CEP128: variants seen among roughly 807,000 people sequenced by gnomAD.
CEP128 encodes centrosomal protein 128.
Under a neutral mutation model 156.7 loss-of-function variants are expected in CEP128, and 132 were observed. The observed-to-expected ratio is 0.84, with a 90% CI of 0.73 to 0.97. The LOEUF is 0.97. CEP128 is among the 50% of genes least tolerant of loss of function. The probability of loss-of-function intolerance (pLI) is 0.00; values close to 1 mark genes in which losing one functional copy is unlikely to be tolerated. For missense variants in CEP128, 1,252 were observed against 1,281.9 expected (o/e 0.98, Z 0.36); for synonymous variants, 469 against 448.9 (o/e 1.04, Z -0.57).
intron 13 of CEP128, among the ~76,000 whole-genome samples, chr14:80,822,128 T>G (rs1031576595): frequency 1.4e-4 from 21 of 151,972 alleles, no homozygotes; most frequent in African/African-American, 4.1e-4. Flanking sequence ...CCAAACCATA[T>G]CATTCCGCCC....
At chr14:80,604,377 T>C (rs1258355398) in intron 19 of CEP128, among the ~76,000 whole-genome samples, 1 of 152,164 alleles carries the variant, frequency 6.6e-6, no homozygotes, top group Non-Finnish European at 1.5e-5. Flanking sequence ...TCGATGGATA[T>C]GGGAATAGAG....
intron 23 of CEP128, among the ~76,000 whole-genome samples, chr14:80,507,028 C>G (rs888448782): frequency 2.5e-4 from 38 of 151,956 alleles, no homozygotes; most frequent in Admixed American, 1.2e-3. Context: ...GTGGCACCTC[C>G]CCTCAGCTCT....
At chr14:80,578,273 A>G (rs1200241001) in intron 20 of CEP128, among the ~76,000 whole-genome samples, 2 of 152,184 alleles carry the variant, frequency 1.3e-5, no homozygotes, top group African/African-American at 4.8e-5. Context: ...TTGGTGCTTG[A>G]TAAGGGTTTG....
intron 19 of CEP128, among the ~76,000 whole-genome samples, chr14:80,595,889 G>C (rs527658961): frequency 6.6e-6 from 1 of 151,940 alleles, no homozygotes; most frequent in Non-Finnish European, 1.5e-5. Flanking sequence ...TAAAACCATC[G>C]GATCTCATGA....
At chr14:80,819,467 C>T (rs1192249652) in intron 13 of CEP128, among the ~76,000 whole-genome samples, 10 of 151,872 alleles carry the variant, frequency 6.6e-5, no homozygotes, top group Admixed American at 2.6e-4. Flanking sequence ...AGGATGGTTT[C>T]GATCTCCTGA....
chr14:80,900,434 T>G (rs982299252), intron 6 of CEP128, among the ~76,000 whole-genome samples: 5 of 152,252 alleles, frequency 3.3e-5, no homozygotes, highest in African/African-American at 1.2e-4. Context: ...ACAGTTAATC[T>G]TGCCACTGTA....
chr14:80,700,255 C>A (rs1897028477), intron 19 of CEP128, among the ~76,000 whole-genome samples: 1 of 152,214 alleles, frequency 6.6e-6, no homozygotes, highest in Admixed American at 6.5e-5. Context: ...TGAGCCACCC[C>A]AACCCCTACT....
chr14:80,542,157 G>C (rs1255799817), intron 21 of CEP128, among the ~76,000 whole-genome samples: 2 of 152,136 alleles, frequency 1.3e-5, no homozygotes, highest in Admixed American at 1.3e-4. Context: ...ATGTGTATAT[G>C]TACCTCCCAT....
intron 19 of CEP128, among the ~76,000 whole-genome samples, chr14:80,708,334 T>C (rs907918222): frequency 2.0e-5 from 3 of 152,152 alleles, no homozygotes; most frequent in Non-Finnish European, 4.4e-5. Flanking sequence ...ACAAGCAATG[T>C]TTGAAAGGGT....
chr14:80,683,217 C>A (rs187121955), intron 19 of CEP128, among the ~76,000 whole-genome samples: 1 of 152,262 alleles, frequency 6.6e-6, no homozygotes, highest in Non-Finnish European at 1.5e-5. Context: ...CTCTTTTCAA[C>A]AGACCCATCT....
chr14:80,873,763 G>T lies in CEP128; in HGVS notation c.646-10890C>A, dbSNP rs538164229. On this transcript the variant is annotated intron_variant, in intron 8 of 24. Coordinates refer to ENST00000555265, the MANE Select transcript of CEP128 (RefSeq NM_152446.5). Reference sequence around the variant, plus strand: ...TCATGGGAGAAACCCAGTGGCAGGTGATTGAATTATGGGGGCGGGTCTTTC... The same window carrying T: ...TCATGGGAGAAACCCAGTGGCAGGTTATTGAATTATGGGGGCGGGTCTTTC... Among the ~76,000 whole-genome samples the T allele has an allele frequency of 1.4e-3, 212 of 152,100 alleles. 1 individual carries two copies. Among genetic ancestry groups the T allele is most frequent in the Non-Finnish European group, 2.7e-3 (184 of 68,022 alleles).
At chr14:80,668,902 C>T (rs1895733190) in intron 19 of CEP128, among the ~76,000 whole-genome samples, 1 of 152,164 alleles carries the variant, frequency 6.6e-6, no homozygotes, top group African/African-American at 2.4e-5. Flanking sequence ...GGAAGTTCCC[C>T]TGCACAAGCT....
At chr14:80,561,147 A>C (rs1198275292) in intron 20 of CEP128, among the ~76,000 whole-genome samples, 1 of 152,200 alleles carries the variant, frequency 6.6e-6, no homozygotes, top group African/African-American at 2.4e-5. Context: ...AGACTGGGAA[A>C]CAGTTGCACA....
intron 24 of CEP128, 104 bp from the exon 25 acceptor site, chr14:80,497,686 G>C: frequency 1.4e-6 from 1 of 710,050 alleles, no homozygotes; most frequent in Non-Finnish European, 2.4e-6. Context: ...GTATTTGATC[G>C]AGTTTTCTAT....
intron 13 of CEP128, among the ~76,000 whole-genome samples, chr14:80,814,081 T>C (rs7150858): frequency 0.43 from 64,932 of 152,028 alleles, 14,086 homozygotes; most frequent in African/African-American, 0.45. Flanking sequence ...CTCCCTTGCC[T>C]CTTGCTGCAT....
At chr14:80,582,120 G>T (rs944070969) in intron 19 of CEP128, among the ~76,000 whole-genome samples, 2 of 152,188 alleles carry the variant, frequency 1.3e-5, no homozygotes, top group Non-Finnish European at 2.9e-5. Context: ...CCTGCAGGTT[G>T]CCCCAGCTGC....
Position 80,521,136 on chromosome 14 carries a change from G to A in CEP128, c.3072+5733C>T, listed in dbSNP as rs2140247530. 2.0e-5 allele frequency among the ~76,000 whole-genome samples: 3 copies of A among 151,684 alleles called. No homozygotes were observed. The South Asian group carries it at 6.2e-4, about 32-fold the overall frequency. The stretch of plus-strand genomic sequence containing the variant: ...TTACAGGCATGAGCCACCACACCCG[G>A]CCTTAAAGTGACTATTTTAAAGGAA... On this transcript the variant is annotated intron_variant, in intron 23 of 24. Coordinates refer to ENST00000555265, the MANE Select transcript of CEP128 (RefSeq NM_152446.5).
intron 19 of CEP128, among the ~76,000 whole-genome samples, chr14:80,658,142 G>C (rs554089973): frequency 3.9e-5 from 6 of 152,198 alleles, no homozygotes; most frequent in Admixed American, 1.3e-4. Context: ...GAGTTAATTG[G>C]TTTTTAATTC....
At chr14:80,631,913 T>TACC (rs2140730599) in intron 19 of CEP128, among the ~76,000 whole-genome samples, 1 of 152,108 alleles carries the variant, frequency 6.6e-6, no homozygotes, top group South Asian at 2.1e-4. Flanking sequence ...TCCCCCTCAG[T>TACC]GATATATCCA....
Sources: gnomAD v4.1 joint callset for allele counts (sites outside exome capture counted in the v4.1 genomes callset) on GRCh38, gnomAD v4.1.1 for gene constraint, MANE v1.5 for transcripts, NCBI Gene and HGNC (gene_info 2026-07-23, HGNC 2026-07-21) for gene names.